Variants in ATP8B4 observed in about 807,000 individuals in gnomAD.
ATP8B4 encodes ATPase phospholipid transporting 8B4 (putative).
In ATP8B4, 133 loss-of-function variants were observed where a neutral mutation model predicts 145.6. The observed-to-expected ratio is 0.91, with a 90% CI of 0.79 to 1.05. The LOEUF (loss-of-function observed/expected upper bound fraction) is 1.05. Among genes scored for constraint, ATP8B4 ranks in the 50% least tolerant of loss-of-function variants. The pLI is 0.00. For synonymous variants in ATP8B4, 507 were observed against 492.9 expected, an observed-to-expected ratio of 1.03 and a Z score of -0.38; for missense variants, 1,458 against 1,425.2, an observed-to-expected ratio of 1.02 and a Z score of -0.37.
chr15:50,071,320 C>T (rs1191165684), intron 3 of ATP8B4, among the ~76,000 whole-genome samples: 1 of 151,948 alleles, frequency 6.6e-6, no homozygotes, highest in Non-Finnish European at 1.5e-5. Flanking sequence ...TGTTATTCCC[C>T]GTGCTTCTCT....
upstream of ATP8B4, among the ~76,000 whole-genome samples, chr15:50,122,980 G>A (rs1314748231): frequency 1.3e-5 from 2 of 152,128 alleles, no homozygotes; most frequent in Non-Finnish European, 2.9e-5. Flanking sequence ...ATGGATAAAA[G>A]TATGCATTCA....
At chr15:49,992,953 T>G (rs1358565522) in intron 9 of ATP8B4, among the ~76,000 whole-genome samples, 1 of 152,122 alleles carries the variant, frequency 6.6e-6, no homozygotes, top group Non-Finnish European at 1.5e-5. Flanking sequence ...ATATCTAGTT[T>G]TGATTCCCAT....
intron 1 of ATP8B4, among the ~76,000 whole-genome samples, chr15:50,125,955 C>T (rs1330470994): frequency 6.6e-6 from 1 of 152,164 alleles, no homozygotes; most frequent in African/African-American, 2.4e-5. Context: ...CTAGTTATAT[C>T]TATTTTGCCT....
chr15:49,944,625 G>A (rs919324504), intron 14 of ATP8B4, among the ~76,000 whole-genome samples: 4 of 152,078 alleles, frequency 2.6e-5, no homozygotes, highest in Non-Finnish European at 5.9e-5. Flanking sequence ...AGTAAGAGGT[G>A]TCAATATTTC....
chr15:49,934,485 C>A (rs1476976051), intron 14 of ATP8B4, among the ~76,000 whole-genome samples: 1 of 152,016 alleles, frequency 6.6e-6, no homozygotes, highest in Non-Finnish European at 1.5e-5. Flanking sequence ...ACAGAAAATG[C>A]AAAGTTTTTT....
chr15:50,094,362 T>C (rs2055816299), intron 2 of ATP8B4, among the ~76,000 whole-genome samples: 2 of 152,168 alleles, frequency 1.3e-5, no homozygotes, highest in Admixed American at 6.6e-5. Context: ...CCTGCTGGCA[T>C]TTGGACTGAA....
At chr15:50,172,462 G>A (rs1480813653) in intron 1 of ATP8B4, among the ~76,000 whole-genome samples, 1 of 152,250 alleles carries the variant, frequency 6.6e-6, no homozygotes, top group African/African-American at 2.4e-5. Flanking sequence ...TGCCCAGGCT[G>A]GAGTGCAGCC....
chr15:50,026,396 T>C (rs1359964111), intron 6 of ATP8B4, among the ~76,000 whole-genome samples: 6 of 152,170 alleles, frequency 3.9e-5, no homozygotes, highest in Admixed American at 6.5e-5. Context: ...AAAAGTTTGA[T>C]TCAAGAGGTC....
intron 23 of ATP8B4, among the ~76,000 whole-genome samples, chr15:49,892,948 C>G (rs922135837): frequency 2.6e-5 from 4 of 152,166 alleles, no homozygotes; most frequent in African/African-American, 9.7e-5. Context: ...CTCTTGAAAA[C>G]TTGGACCACA....
At chr15:50,028,646 T>C (rs2050189158) in intron 6 of ATP8B4, among the ~76,000 whole-genome samples, 1 of 152,126 alleles carries the variant, frequency 6.6e-6, no homozygotes, top group Non-Finnish European at 1.5e-5. Context: ...TATGATTGCA[T>C]TATATTTGGG....
At chr15:49,987,571 C>G in intron 9 of ATP8B4, 22 bp from the exon 10 acceptor site, 7 of 1,605,444 alleles carry the variant, frequency 4.4e-6, no homozygotes, top group Non-Finnish European at 5.9e-6. Context: ...AAAAACAAAA[C>G]AAACCTCTTT....
intron 7 of ATP8B4, among the ~76,000 whole-genome samples, chr15:50,006,997 C>T (rs771525464): frequency 6.6e-6 from 1 of 152,114 alleles, no homozygotes; most frequent in Non-Finnish European, 1.5e-5. Flanking sequence ...CTGAATTATA[C>T]TCTGCATTTT....
At chr15:50,069,452 C>T (rs114960689) in intron 3 of ATP8B4, among the ~76,000 whole-genome samples, 2 of 152,114 alleles carry the variant, frequency 1.3e-5, no homozygotes, top group African/African-American at 4.8e-5. Context: ...TTTGTCTGAT[C>T]GGGCATAATG....
At chr15:50,080,387 T>A (rs1195670325) in intron 2 of ATP8B4, among the ~76,000 whole-genome samples, 1 of 152,144 alleles carries the variant, frequency 6.6e-6, no homozygotes, top group Non-Finnish European at 1.5e-5. Context: ...AATCTATAGC[T>A]CCCTACTTCC....
At chr15:49,941,225 T>C (rs144687664) in intron 14 of ATP8B4, among the ~76,000 whole-genome samples, 8 of 152,230 alleles carry the variant, frequency 5.3e-5, no homozygotes, top group African/African-American at 1.9e-4. Context: ...AACATAACCT[T>C]TATTTACTAT....
At chr15:49,920,167 T>C (rs985901138) in intron 18 of ATP8B4, 79 bp downstream of exon 18, 2 of 1,511,164 alleles carry the variant, frequency 1.3e-6, no homozygotes, top group African/African-American at 1.4e-5. Context: ...ACTTAGCCAA[T>C]GGCTTATTCC....
intron 14 of ATP8B4, among the ~76,000 whole-genome samples, chr15:49,960,463 G>T (rs1036921538): frequency 6.6e-6 from 1 of 152,140 alleles, no homozygotes; most frequent in Admixed American, 6.5e-5. Context: ...AAGAGGACAG[G>T]CTTTTAAATA....
At chr15:49,926,614 T>C (rs1025931297) in intron 16 of ATP8B4, among the ~76,000 whole-genome samples, 2 of 152,186 alleles carry the variant, frequency 1.3e-5, no homozygotes, top group African/African-American at 4.8e-5. Context: ...TGTTTTACCA[T>C]GTTCTCTTGG....
intron 1 of ATP8B4, among the ~76,000 whole-genome samples, chr15:50,175,399 A>G (rs1241455666): frequency 1.3e-5 from 2 of 152,224 alleles, no homozygotes; most frequent in African/African-American, 4.8e-5. Context: ...ACATCTGACA[A>G]AGGACTAATA....
Sources: allele counts gnomAD v4.1 joint callset (sites outside exome capture counted in the v4.1 genomes callset), GRCh38; gene constraint gnomAD v4.1.1; transcripts MANE v1.5; gene names NCBI Gene and HGNC (gene_info 2026-07-23, HGNC 2026-07-21).